UBE2E2: variants seen among roughly 807,000 people sequenced by gnomAD.
The protein encoded by UBE2E2 is ubiquitin-conjugating enzyme E2 E2.
Under a neutral mutation model 24.7 loss-of-function variants are expected in UBE2E2, and 6 were observed. The observed-to-expected ratio is 0.24, with a 90% CI of 0.13 to 0.48. UBE2E2 has a LOEUF of 0.48. Ranked by LOEUF, UBE2E2 falls within the 20% of genes least tolerant of loss-of-function variation. The pLI is 0.99. For synonymous variants in UBE2E2, 104 were observed against 83.6 expected, an observed-to-expected ratio of 1.24 and a Z score of -1.33; for missense variants, 169 against 245.0, an observed-to-expected ratio of 0.69 and a Z score of 2.07.
At position 23,492,459 on chromosome 3, in the gene UBE2E2, A is replaced by G. The variant is rs78808327; in HGVS notation, c.228-7149A>G. Among the ~76,000 whole-genome samples the G allele has an allele frequency of 2.9e-3, 441 of 152,308 alleles. 2 individuals carry two copies. The highest frequency in any genetic ancestry group is 9.6e-3 in the African/African-American group (398 of 41,570). On this transcript the variant is annotated intron_variant, in intron 3 of 5. Coordinates refer to ENST00000396703, the MANE Select transcript of UBE2E2 (RefSeq NM_152653.4). ...AGACAAGATACTCCCTACCTGATCA[A>G]TCACACACATACTTTAAGAGAATTT... is the stretch of plus-strand genomic sequence containing the variant.
At chr3:23,472,258 C>G (rs777335644) in intron 3 of UBE2E2, among the ~76,000 whole-genome samples, 4 of 152,180 alleles carry the variant, frequency 2.6e-5, no homozygotes, top group African/African-American at 7.2e-5. Context: ...ACAGCTCCCC[C>G]AGACAATCAA....
chr3:23,217,347 T>G, intron 3 of UBE2E2, 35 bp downstream of exon 3: 1 of 1,595,696 alleles, frequency 6.3e-7, no homozygotes, highest in Non-Finnish European at 8.6e-7. Flanking sequence ...ACTTGTATCT[T>G]TTGCAGAAGG....
intron 3 of UBE2E2, among the ~76,000 whole-genome samples, chr3:23,381,069 C>A (rs1191607087): frequency 6.6e-6 from 1 of 152,178 alleles, no homozygotes; most frequent in Admixed American, 6.5e-5. Flanking sequence ...GTTCTCCTGA[C>A]TGGAAAGGGC....
intron 3 of UBE2E2, among the ~76,000 whole-genome samples, chr3:23,325,694 T>A (rs1429507587): frequency 6.6e-6 from 1 of 152,224 alleles, no homozygotes; most frequent in Non-Finnish European, 1.5e-5. Flanking sequence ...GAGGCTTGAC[T>A]GCTTAGTTTG....
intron 3 of UBE2E2, among the ~76,000 whole-genome samples, chr3:23,413,946 T>C (rs751813441): frequency 6.6e-5 from 10 of 152,194 alleles, no homozygotes; most frequent in Non-Finnish European, 1.2e-4. Flanking sequence ...TATCTGTATA[T>C]CTTGGTTTTT....
chr3:23,257,675 T>A (rs1390083), intron 3 of UBE2E2, among the ~76,000 whole-genome samples: 39,841 of 150,280 alleles, frequency 0.27, 5,615 homozygotes, highest in Non-Finnish European at 0.32. Flanking sequence ...CTGGTTTTAC[T>A]TTTTTTTTGG....
intron 3 of UBE2E2, among the ~76,000 whole-genome samples, chr3:23,417,268 AT>A (rs1430739322): frequency 2.0e-5 from 3 of 152,066 alleles, no homozygotes; most frequent in African/African-American, 7.2e-5. Context: ...TGTTGATGCT[AT>A]TCCTTTCTGT....
At chr3:23,379,128 A>C (rs1456912984) in intron 3 of UBE2E2, among the ~76,000 whole-genome samples, 1 of 152,118 alleles carries the variant, frequency 6.6e-6, no homozygotes, top group Non-Finnish European at 1.5e-5. Flanking sequence ...GTCTGTGATC[A>C]AAGTACTGAA....
chr3:23,458,426 GGTT>G lies in UBE2E2; in HGVS notation c.228-41172_228-41170del, dbSNP rs548190773. Among the ~76,000 whole-genome samples, 726 of 148,058 alleles carry G rather than the reference GGTT, an allele frequency of 4.9e-3. 13 individuals carry two copies. The highest frequency in any genetic ancestry group is 0.017 in the African/African-American group (668 of 38,692). ...TGGTGGTGGTGGTGGTGGTGGTGGTGGTTGTTGTTGTTTGAGACGGAGTCTCTA... is the reference window on the plus strand; with the variant it reads ...TGGTGGTGGTGGTGGTGGTGGTGGTGGTTGTTGTTTGAGACGGAGTCTCTA... On this transcript the variant is annotated intron_variant, in intron 3 of 5. Coordinates refer to ENST00000396703, the MANE Select transcript of UBE2E2 (RefSeq NM_152653.4).
chr3:23,451,669 C>T (rs1698565194), intron 3 of UBE2E2, among the ~76,000 whole-genome samples: 2 of 152,248 alleles, frequency 1.3e-5, no homozygotes, highest in Admixed American at 6.5e-5. Flanking sequence ...ACTTTTACAA[C>T]ATGAAAAGTA....
At chr3:23,573,768 T>TTG (rs1696278914) in intron 5 of UBE2E2, among the ~76,000 whole-genome samples, 1 of 152,212 alleles carries the variant, frequency 6.6e-6, no homozygotes, top group South Asian at 2.1e-4. Context: ...TGTTGTCAGC[T>TTG]GATTAAAAGC....
chr3:23,340,536 TAAAATGTTA>T, intron 3 of UBE2E2, among the ~76,000 whole-genome samples: 1 of 152,292 alleles, frequency 6.6e-6, no homozygotes, highest in South Asian at 2.1e-4. Flanking sequence ...ATACATGTTT[TAAAATGTTA>T]AACAGAGACA....
intron 3 of UBE2E2, among the ~76,000 whole-genome samples, chr3:23,248,570 C>A (rs1462316621): frequency 6.6e-6 from 1 of 152,202 alleles, no homozygotes; most frequent in Non-Finnish European, 1.5e-5. Flanking sequence ...ATGCATTTCA[C>A]TTTAGTTAAT....
intron 3 of UBE2E2, among the ~76,000 whole-genome samples, chr3:23,489,558 A>T (rs910650001): frequency 1.3e-5 from 2 of 152,226 alleles, no homozygotes; most frequent in Non-Finnish European, 2.9e-5. Context: ...TACTGTTTCC[A>T]TGGTATAAGT....
chr3:23,507,686 A>T (rs150434015), intron 4 of UBE2E2, among the ~76,000 whole-genome samples: 1 of 152,326 alleles, frequency 6.6e-6, no homozygotes, highest in African/African-American at 2.4e-5. Flanking sequence ...GAGGTTGCTT[A>T]TATCCCTGGA....
At chr3:23,535,326 A>G (rs577223068) in intron 5 of UBE2E2, among the ~76,000 whole-genome samples, 40 of 152,216 alleles carry the variant, frequency 2.6e-4, no homozygotes, top group Non-Finnish European at 4.4e-4. Context: ...TGGGCCCACA[A>G]TAGGTGACCG....
At chr3:23,338,447 C>T (rs1449589321) in intron 3 of UBE2E2, among the ~76,000 whole-genome samples, 2 of 152,094 alleles carry the variant, frequency 1.3e-5, no homozygotes, top group Non-Finnish European at 2.9e-5. Context: ...TGTATGTGTA[C>T]ATGTATGCCT....
chr3:23,374,928 T>C (rs2125343865), intron 3 of UBE2E2, among the ~76,000 whole-genome samples: 1 of 152,264 alleles, frequency 6.6e-6, no homozygotes, highest in East Asian at 1.9e-4. Flanking sequence ...ACAAATCTAA[T>C]TTTTCACATC....
intron 5 of UBE2E2, among the ~76,000 whole-genome samples, chr3:23,588,769 C>T (rs1203030315): frequency 6.6e-6 from 1 of 152,186 alleles, no homozygotes; most frequent in Non-Finnish European, 1.5e-5. Context: ...GCTCCAATTT[C>T]CTCCTGTGTC....
Sources: gnomAD v4.1 joint callset for allele counts (sites outside exome capture counted in the v4.1 genomes callset) on GRCh38, gnomAD v4.1.1 for gene constraint, MANE v1.5 for transcripts, NCBI Gene and HGNC (gene_info 2026-07-23, HGNC 2026-07-21) for gene names.